The following NEK11 variants were observed in gnomAD, a reference collection of about 807,000 sequenced individuals.
NEK11 encodes serine/threonine-protein kinase Nek11.
NEK11 carries 72 observed loss-of-function variants against 80.7 expected under a neutral mutation model. The observed-to-expected ratio is 0.89, with a 90% CI of 0.74 to 1.08. The LOEUF (loss-of-function observed/expected upper bound fraction) is 1.08, where lower values mean the gene tolerates loss of function less well. Among genes scored for constraint, NEK11 ranks in the 50% least tolerant of loss-of-function variants. The pLI is 0.00. For synonymous variants in NEK11, 251 were observed against 260.7 expected (o/e 0.96, Z 0.36); for missense variants, 764 against 763.6 (o/e 1.00, Z -0.01).
intron 17 of NEK11, among the ~76,000 whole-genome samples, chr3:131,315,912 T>C (rs1325236396): frequency 1.3e-5 from 2 of 152,218 alleles, no homozygotes; most frequent in Non-Finnish European, 2.9e-5. Flanking sequence ...CTGCATAGTA[T>C]TCCATGGTGT....
chr3:131,201,828 T>TTTTTA (rs967924429), intron 14 of NEK11, among the ~76,000 whole-genome samples: 55 of 152,086 alleles, frequency 3.6e-4, no homozygotes, highest in Non-Finnish European at 4.4e-4. Context: ...TAAATTCAGA[T>TTTTTA]TTTTATTTTA....
At chr3:131,039,991 T>A (rs1438443403) in intron 3 of NEK11, among the ~76,000 whole-genome samples, 12 of 151,724 alleles carry the variant, frequency 7.9e-5, no homozygotes, top group Non-Finnish European at 1.2e-4. Flanking sequence ...AATTTGTACA[T>A]CTATGTGGGA....
At chr3:131,114,111 A>G (rs1330061714) in intron 5 of NEK11, among the ~76,000 whole-genome samples, 1 of 151,996 alleles carries the variant, frequency 6.6e-6, no homozygotes, top group East Asian at 1.9e-4. Context: ...GCAGTTATAT[A>G]TATATTATTC....
intron 5 of NEK11, among the ~76,000 whole-genome samples, chr3:131,128,872 ATTG>A (rs1229947859): frequency 4.6e-5 from 7 of 152,032 alleles, no homozygotes; most frequent in Admixed American, 4.6e-4. Context: ...GTGGTACTTC[ATTG>A]TTGTTTTAAT....
chr3:131,142,141 G>C (rs1339785151), intron 7 of NEK11, among the ~76,000 whole-genome samples: 4 of 152,220 alleles, frequency 2.6e-5, no homozygotes, highest in Non-Finnish European at 5.9e-5. Flanking sequence ...GTGCTAGAGA[G>C]AAAGAGCATG....
chr3:131,180,571 G>T (rs147222539), intron 14 of NEK11, among the ~76,000 whole-genome samples: 2 of 152,158 alleles, frequency 1.3e-5, no homozygotes, highest in East Asian at 3.9e-4. Flanking sequence ...AATTAAAAAA[G>T]GAATGAGCTA....
At chr3:131,061,955 G>T (rs2070954807) in intron 3 of NEK11, among the ~76,000 whole-genome samples, 2 of 152,194 alleles carry the variant, frequency 1.3e-5, no homozygotes, top group African/African-American at 4.8e-5. Flanking sequence ...GCATCAGACT[G>T]TAGCGTACAC....
intron 10 of NEK11, among the ~76,000 whole-genome samples, chr3:131,161,519 A>G (rs2091582181): frequency 6.6e-6 from 1 of 152,222 alleles, no homozygotes; most frequent in Admixed American, 6.5e-5. Flanking sequence ...TAACAAGATC[A>G]TGTCCTTTGC....
chr3:131,315,327 CTGTTTTCTTTTTTTAG>C (rs2096825730), intron 17 of NEK11, among the ~76,000 whole-genome samples: 1 of 152,122 alleles, frequency 6.6e-6, no homozygotes, highest in Non-Finnish European at 1.5e-5. Context: ...TGTATGCAAT[CTGTTTTCTTTTTTTAG>C]ATTCCGATCA....
At chr3:131,096,293 T>C (rs2077419793) in intron 4 of NEK11, among the ~76,000 whole-genome samples, 1 of 152,118 alleles carries the variant, frequency 6.6e-6, no homozygotes, top group South Asian at 2.1e-4. Flanking sequence ...TTTCTGTTCC[T>C]GTATTGGTTT....
intron 14 of NEK11, among the ~76,000 whole-genome samples, chr3:131,173,139 GTCGAGCAGC>G (rs1259732642): frequency 6.6e-6 from 1 of 152,168 alleles, no homozygotes; most frequent in Non-Finnish European, 1.5e-5. Flanking sequence ...AGTCTATTCA[GTCGAGCAGC>G]TCATGCCACT....
chr3:131,322,348 C>T (rs753965176), intron 17 of NEK11, among the ~76,000 whole-genome samples: 5 of 152,064 alleles, frequency 3.3e-5, no homozygotes, highest in Non-Finnish European at 5.9e-5. Context: ...TGCTTGCTAT[C>T]TGGGTGATCG....
At chr3:131,116,581 C>A (rs2081271308) in intron 5 of NEK11, among the ~76,000 whole-genome samples, 1 of 152,204 alleles carries the variant, frequency 6.6e-6, no homozygotes, top group South Asian at 2.1e-4. Context: ...AACTAGTTTA[C>A]AATCCCACCA....
chr3:131,207,276 C>T (rs1005179940), intron 14 of NEK11, among the ~76,000 whole-genome samples: 8 of 152,150 alleles, frequency 5.3e-5, no homozygotes, highest in Admixed American at 4.6e-4. Context: ...AGTTTACAGT[C>T]CCACCAACAG....
intron 4 of NEK11, among the ~76,000 whole-genome samples, chr3:131,082,532 T>G (rs552368104): frequency 8.5e-5 from 13 of 152,368 alleles, no homozygotes; most frequent in African/African-American, 3.1e-4. Flanking sequence ...GTCATATACA[T>G]GGCTCTTTAG....
intron 14 of NEK11, among the ~76,000 whole-genome samples, chr3:131,213,258 C>G (rs537724564): frequency 1.5e-4 from 23 of 152,148 alleles, no homozygotes; most frequent in African/African-American, 4.8e-4. Context: ...CATTGGTGAG[C>G]CGAGAATGTC....
At chr3:131,338,355 A>C (rs1384496834) in intron 17 of NEK11, among the ~76,000 whole-genome samples, 2 of 151,450 alleles carry the variant, frequency 1.3e-5, no homozygotes, top group African/African-American at 4.9e-5. Context: ...TGGGAATGCA[A>C]AATGGAACAT....
intron 17 of NEK11, among the ~76,000 whole-genome samples, chr3:131,276,539 T>G (rs1197347391): frequency 1.3e-5 from 2 of 152,224 alleles, no homozygotes; most frequent in African/African-American, 2.4e-5. Flanking sequence ...TTTACCAGTA[T>G]AGACTTCATC....
chr3:131,133,160 G>T, intron 6 of NEK11: 1 of 428,520 alleles, frequency 2.3e-6, no homozygotes, highest in Non-Finnish European at 4.6e-6. Flanking sequence ...AGTTACTACA[G>T]GTTTCTCATT....
Sources: gnomAD v4.1 joint callset for allele counts (sites outside exome capture counted in the v4.1 genomes callset) on GRCh38, gnomAD v4.1.1 for gene constraint, MANE v1.5 for transcripts, NCBI Gene and HGNC (gene_info 2026-07-23, HGNC 2026-07-21) for gene names.